MGMT: variants seen among roughly 807,000 people sequenced by gnomAD.
MGMT encodes methylated-DNA--protein-cysteine methyltransferase.
In MGMT, 14 loss-of-function variants were observed where a neutral mutation model predicts 15.9. The observed-to-expected ratio is 0.88, with a 90% CI of 0.58 to 1.37. The LOEUF is 1.37. Among genes scored for constraint, MGMT ranks in the 40% most tolerant of loss-of-function variants. The probability of loss-of-function intolerance (pLI) is 0.00; values close to 1 mark genes in which losing one functional copy is unlikely to be tolerated. For missense variants in MGMT, 282 were observed against 268.1 expected (o/e 1.05, Z -0.36); for synonymous variants, 130 against 118.2 (o/e 1.10, Z -0.65).
chr10:129,475,010 G>T (rs1333875542), intron 1 of MGMT, among the ~76,000 whole-genome samples: 1 of 152,136 alleles, frequency 6.6e-6, no homozygotes, highest in Non-Finnish European at 1.5e-5. Context: ...GTTGGGGGGG[G>T]TGTTGGGGAG....
At chr10:129,482,741 A>G (rs1465070432) in intron 1 of MGMT, among the ~76,000 whole-genome samples, 1 of 152,150 alleles carries the variant, frequency 6.6e-6, no homozygotes, top group Non-Finnish European at 1.5e-5. Flanking sequence ...TTTCTGTGGT[A>G]ACTGTTTTTC....
chr10:129,699,252 T>C (rs998322884), intron 2 of MGMT, among the ~76,000 whole-genome samples: 1 of 152,218 alleles, frequency 6.6e-6, no homozygotes, highest in Non-Finnish European at 1.5e-5. Context: ...AATATTTTCA[T>C]TATTTCCTGT....
intron 1 of MGMT, among the ~76,000 whole-genome samples, chr10:129,528,320 TGGTATAGTGGCCATGGAGAGCTGCA>T (rs1191580618): frequency 2.7e-5 from 4 of 150,350 alleles, no homozygotes; most frequent in Non-Finnish European, 4.4e-5. Flanking sequence ...AGAGCTGCAG[TGGTATAGTGGCCATGGAGAGCTGCA>T]GTGTAGTGGC....
At chr10:129,599,733 G>C (rs949642458) in intron 2 of MGMT, among the ~76,000 whole-genome samples, 54 of 152,262 alleles carry the variant, frequency 3.5e-4, no homozygotes, top group African/African-American at 1.3e-3. Flanking sequence ...ATAACTGAAT[G>C]TTTACACAGG....
At chr10:129,468,088 T>G (rs1002768144) in intron 1 of MGMT, among the ~76,000 whole-genome samples, 25 of 140,926 alleles carry the variant, frequency 1.8e-4, no homozygotes, top group Non-Finnish European at 3.7e-4. Flanking sequence ...CAGTAGAATG[T>G]TAAGCACAGA....
At chr10:129,681,512 C>T (rs891929645) in intron 2 of MGMT, among the ~76,000 whole-genome samples, 1 of 152,156 alleles carries the variant, frequency 6.6e-6, no homozygotes, top group Non-Finnish European at 1.5e-5. Context: ...TTAAAAAATT[C>T]TGTTCCTAAA....
At chr10:129,599,143 C>T (rs932126639) in intron 2 of MGMT, among the ~76,000 whole-genome samples, 25 of 152,284 alleles carry the variant, frequency 1.6e-4, no homozygotes, top group East Asian at 7.7e-4. Flanking sequence ...GTGACAGAGA[C>T]GAGGCACAGA....
At chr10:129,598,151 C>T (rs971271413) in intron 2 of MGMT, among the ~76,000 whole-genome samples, 1 of 152,178 alleles carries the variant, frequency 6.6e-6, no homozygotes, top group Non-Finnish European at 1.5e-5. Flanking sequence ...GGACCCTGTT[C>T]TCATGCCCAG....
chr10:129,519,694 C>T (rs1372762047), intron 1 of MGMT, among the ~76,000 whole-genome samples: 1 of 152,108 alleles, frequency 6.6e-6, no homozygotes, highest in Non-Finnish European at 1.5e-5. Flanking sequence ...AGAATTCTTC[C>T]CTGCAGAAAT....
intron 3 of MGMT, among the ~76,000 whole-genome samples, chr10:129,736,928 T>A (rs534633154): frequency 5.9e-5 from 9 of 152,238 alleles, no homozygotes; most frequent in African/African-American, 1.7e-4. Context: ...CCAAGAGATC[T>A]GCTGTTAGTC....
intron 3 of MGMT, among the ~76,000 whole-genome samples, chr10:129,727,524 C>G (rs1184849756): frequency 6.6e-6 from 1 of 152,238 alleles, no homozygotes; most frequent in Non-Finnish European, 1.5e-5. Flanking sequence ...TGGGGATTAT[C>G]TGTTACCTGT....
intron 2 of MGMT, among the ~76,000 whole-genome samples, chr10:129,615,550 C>G (rs1340130440): frequency 1.3e-5 from 2 of 152,254 alleles, no homozygotes; most frequent in African/African-American, 4.8e-5. Context: ...TTCAACCAAG[C>G]ATATTCCTGC....
At chr10:129,487,912 GGT>G (rs145304551) in intron 1 of MGMT, among the ~76,000 whole-genome samples, 5,880 of 137,518 alleles carry the variant, frequency 0.043, 180 homozygotes, top group South Asian at 0.072. Flanking sequence ...ACCATATAGG[GGT>G]GTGTGTGTGT....
intron 2 of MGMT, among the ~76,000 whole-genome samples, chr10:129,650,844 G>A (rs1847449055): frequency 6.6e-6 from 1 of 152,202 alleles, no homozygotes; most frequent in Admixed American, 6.5e-5. Context: ...CGATGTGCCT[G>A]GGACTAGGGC....
chr10:129,561,623 C>T (rs1312784387), intron 2 of MGMT, among the ~76,000 whole-genome samples: 2 of 152,158 alleles, frequency 1.3e-5, no homozygotes, highest in Non-Finnish European at 2.9e-5. Flanking sequence ...ATGGTATCCA[C>T]CCTCAAGCAT....
chr10:129,499,439 CAAATA>C (rs1029634564), intron 1 of MGMT, among the ~76,000 whole-genome samples: 2 of 152,160 alleles, frequency 1.3e-5, no homozygotes, highest in Non-Finnish European at 2.9e-5. Flanking sequence ...ATGTGGAAAA[CAAATA>C]AAAATAAAGC....
At position 129,671,442 on chromosome 10, in the gene MGMT, G is replaced by T. The variant is rs557826074; in HGVS notation, c.126-36453G>T. On this transcript the variant is annotated intron_variant, in intron 2 of 4. Coordinates refer to ENST00000651593, the MANE Select transcript of MGMT (RefSeq NM_002412.5). ...TGGGGCTGGACATCTTTTTTTTTTT[G>T]GTAAATAAGTATTTGTCAACACAGC... is the stretch of plus-strand genomic sequence containing the variant. 7.3e-3 allele frequency among the ~76,000 whole-genome samples: 1,092 copies of T among 149,440 alleles called. 8 individuals are homozygous for T. The highest frequency in any genetic ancestry group is 0.011 in the Non-Finnish European group (731 of 67,370).
intron 2 of MGMT, among the ~76,000 whole-genome samples, chr10:129,687,319 G>A (rs1212770360): frequency 6.6e-6 from 1 of 152,082 alleles, no homozygotes; most frequent in Admixed American, 6.5e-5. Context: ...CCACAACGTA[G>A]CAGTCTCTCA....
chr10:129,540,316 T>C (rs1846029641), intron 2 of MGMT, among the ~76,000 whole-genome samples: 1 of 152,250 alleles, frequency 6.6e-6, no homozygotes, highest in South Asian at 2.1e-4. Flanking sequence ...AAATTCATGA[T>C]GTCTATGAAT....
Sources: gnomAD v4.1 joint callset for allele counts (sites outside exome capture counted in the v4.1 genomes callset) on GRCh38, gnomAD v4.1.1 for gene constraint, MANE v1.5 for transcripts, NCBI Gene and HGNC (gene_info 2026-07-23, HGNC 2026-07-21) for gene names.